CNTLN: variants seen among roughly 807,000 people sequenced by gnomAD.
The protein encoded by CNTLN is centlein, centrosomal protein.
Under a neutral mutation model 180.0 loss-of-function variants are expected in CNTLN, and 212 were observed. That is an observed-to-expected ratio of 1.18 (90% CI 1.05 to 1.32). The LOEUF is 1.32. CNTLN is among the 40% of genes most tolerant of loss of function. CNTLN has a pLI of 0.00. For missense variants in CNTLN, 2,095 were observed against 1,610.9 expected (o/e 1.30, Z -5.14); for synonymous variants, 722 against 563.1 (o/e 1.28, Z -3.99).
intron 25 of CNTLN, among the ~76,000 whole-genome samples, chr9:17,497,780 C>T (rs1350260851): frequency 1.3e-5 from 2 of 152,120 alleles, no homozygotes; most frequent in Admixed American, 6.6e-5. Context: ...ATTATAAATA[C>T]ATTGTTCTTT....
At chr9:17,434,891 A>T (rs1457786426) in intron 18 of CNTLN, among the ~76,000 whole-genome samples, 2 of 151,876 alleles carry the variant, frequency 1.3e-5, no homozygotes, top group South Asian at 4.1e-4. Flanking sequence ...TTTGGCCTCC[A>T]TAGTTTCAGT....
chr9:17,395,125 C>T, intron 15 of CNTLN, 56 bp downstream of exon 15: 8 of 1,511,192 alleles, frequency 5.3e-6, no homozygotes, highest in Non-Finnish European at 7.1e-6. Flanking sequence ...ATGTAAAGCA[C>T]TAGCAAATGG....
intron 13 of CNTLN, among the ~76,000 whole-genome samples, chr9:17,381,900 A>T (rs1001977431): frequency 6.6e-6 from 1 of 152,146 alleles, no homozygotes; most frequent in Admixed American, 6.5e-5. Flanking sequence ...GGAAATTTCC[A>T]AGGGGTGATC....
Position 17,269,742 on chromosome 9 carries a change from G to A in CNTLN, c.850-3991G>A, listed in dbSNP as rs746799215. Among the ~76,000 whole-genome samples, 123 of 152,090 alleles carry A rather than the reference G, an allele frequency of 8.1e-4. 2 individuals carry two copies. The highest frequency in any genetic ancestry group is 1.7e-3 in the Non-Finnish European group (114 of 67,946). ...AATGTATATTCTGTTGTTGTTGAGT[G>A]GAATATTCTGTATTATTCTTTTAGT... On this transcript the variant is annotated intron_variant, in intron 5 of 25. Transcript: ENST00000380647.
At chr9:17,178,201 C>G (rs964407109) in intron 2 of CNTLN, among the ~76,000 whole-genome samples, 2 of 152,178 alleles carry the variant, frequency 1.3e-5, no homozygotes, top group Non-Finnish European at 2.9e-5. Context: ...GGTGCATTCA[C>G]AAGCACTGAG....
intron 9 of CNTLN, among the ~76,000 whole-genome samples, chr9:17,331,614 TC>T (rs1820648715): frequency 6.6e-6 from 1 of 151,970 alleles, no homozygotes; most frequent in Non-Finnish European, 1.5e-5. Context: ...TTCCATTTTT[TC>T]TTATGGGTAG....
Position 17,226,214 on chromosome 9 carries a change from A to G in CNTLN, c.461A>G (p.Lys154Arg), listed in dbSNP as rs1300831674. The G allele has an allele frequency of 6.4e-7, 1 of 1,562,810 alleles. No individual in the cohort carries two copies. The highest frequency in any genetic ancestry group is 2.3e-5 in the East Asian group (1 of 43,340). Residue 154 changes from lysine (K) to arginine (R), a missense_variant, in exon 3 of 26, where the codon AAA (lysine) becomes AGA (arginine). By Grantham distance (26) the Lys-to-Arg change is conservative (BLOSUM62 2). Transcript: ENST00000380647. Reference sequence around the variant, plus strand: ...TATTTTATATCTAGAGAAAAACAGAAATCTGAAGCTAAAGACAGAAAAGTT... The same window carrying G: ...TATTTTATATCTAGAGAAAAACAGAGATCTGAAGCTAAAGACAGAAAAGTT... ...VSLVVEREKQ[K>R]SEAKDRKVLE...
At chr9:17,484,531 T>C in intron 24 of CNTLN, 51 bp downstream of exon 24, 1 of 1,381,926 alleles carries the variant, frequency 7.2e-7, no homozygotes, top group South Asian at 1.4e-5. Context: ...ACACTGGACT[T>C]AAGTAGATAT....
rs1249491369 is a variant in CNTLN at position 17,135,207 on chromosome 9, G to A, written c.142G>A (p.Val48Met). The A allele has an allele frequency of 6.8e-6, 11 of 1,610,696 alleles. No individual in the cohort carries two copies. The highest frequency in any genetic ancestry group is 1.3e-5 in the African/African-American group (1 of 74,918). The change falls in exon 1 of 26, where the codon GTG becomes ATG. Residue 48 changes from valine (V) to methionine (M), a missense_variant. Physicochemically the swap from Val to Met is conservative, Grantham distance 21 (BLOSUM62 1). Transcript: ENST00000380647. ...ASGFAGAARE[V>M]VADESDKIWV... is the part of the protein sequence containing the mutation. ...GGGTTTTGCCGGCGCAGCGCGGGAG[G>A]TGGTCGCGGACGAAAGTGATAAAAT...
intron 5 of CNTLN, among the ~76,000 whole-genome samples, chr9:17,257,729 G>A (rs1826616946): frequency 6.6e-6 from 1 of 151,404 alleles, no homozygotes; most frequent in African/African-American, 2.5e-5. Context: ...GATGGCCAGT[G>A]ATGATGAGCA....
At chr9:17,467,865 T>C (rs1033215187) in intron 23 of CNTLN, among the ~76,000 whole-genome samples, 1 of 151,710 alleles carries the variant, frequency 6.6e-6, no homozygotes, top group African/African-American at 2.4e-5. Context: ...AGAACTACCA[T>C]TTGACCCAGC....
At chr9:17,148,432 G>C (rs1292315683) in intron 2 of CNTLN, among the ~76,000 whole-genome samples, 1 of 152,168 alleles carries the variant, frequency 6.6e-6, no homozygotes, top group East Asian at 1.9e-4. Flanking sequence ...GTGTGTTTCT[G>C]TTTAAAGATA....
At chr9:17,231,002 T>C (rs971714477) in intron 3 of CNTLN, among the ~76,000 whole-genome samples, 1 of 152,152 alleles carries the variant, frequency 6.6e-6, no homozygotes, top group South Asian at 2.1e-4. Context: ...TAAGTTGTTA[T>C]TCTCTCTATT....
intron 18 of CNTLN, among the ~76,000 whole-genome samples, chr9:17,452,767 G>T (rs903598281): frequency 6.6e-6 from 1 of 151,870 alleles, no homozygotes; most frequent in African/African-American, 2.4e-5. Flanking sequence ...GTCAAGTTGG[G>T]GCCACGAAAA....
intron 15 of CNTLN, among the ~76,000 whole-genome samples, chr9:17,404,105 T>G (rs1181126825): frequency 6.6e-6 from 1 of 151,768 alleles, no homozygotes; most frequent in Non-Finnish European, 1.5e-5. Context: ...AAGGGATATA[T>G]GACAATGCTC....
chr9:17,499,756 T>C (rs1833647255), intron 25 of CNTLN, among the ~76,000 whole-genome samples: 1 of 152,158 alleles, frequency 6.6e-6, no homozygotes, highest in African/African-American at 2.4e-5. Flanking sequence ...TTTTGTCATA[T>C]TTTCTGTTAT....
chr9:17,248,606 C>G (rs1825945225), intron 5 of CNTLN, among the ~76,000 whole-genome samples: 1 of 147,826 alleles, frequency 6.8e-6, no homozygotes, highest in South Asian at 2.1e-4. Flanking sequence ...AAATGTGTCA[C>G]TATAAAAAAT....
At chr9:17,459,366 A>G (rs1831322251) in intron 19 of CNTLN, among the ~76,000 whole-genome samples, 1 of 151,876 alleles carries the variant, frequency 6.6e-6, no homozygotes, top group South Asian at 2.1e-4. Flanking sequence ...TGAGTCAGAA[A>G]GAGAACTAAA....
At chr9:17,207,553 G>T (rs974734806) in intron 2 of CNTLN, among the ~76,000 whole-genome samples, 2 of 152,240 alleles carry the variant, frequency 1.3e-5, no homozygotes, top group South Asian at 4.1e-4. Context: ...ACCTGGGCTG[G>T]GTAGCACAGT....
Sources: allele counts gnomAD v4.1 joint callset (sites outside exome capture counted in the v4.1 genomes callset), GRCh38; gene constraint gnomAD v4.1.1; transcripts MANE v1.5; gene names NCBI Gene and HGNC (gene_info 2026-07-23, HGNC 2026-07-21).